Variants in TIMM23 observed in about 807,000 individuals in gnomAD.
The protein encoded by TIMM23 is translocase of inner mitochondrial membrane 23, also known as mitochondrial import inner membrane translocase subunit Tim23.
Under a neutral mutation model 30.7 loss-of-function variants are expected in TIMM23, and 19 were observed. The ratio of observed to expected loss-of-function variants is 0.62; its 90% confidence interval spans 0.43 to 0.91. The LOEUF is 0.91. Among genes scored for constraint, TIMM23 ranks in the 40% least tolerant of loss-of-function variants. TIMM23 has a pLI of 0.00. For synonymous variants in TIMM23, 78 were observed against 98.5 expected (o/e 0.79, Z 1.23); for missense variants, 202 against 269.2 (o/e 0.75, Z 1.75).
At position 46,003,622 on chromosome 10, in the gene TIMM23, G is replaced by T; in HGVS notation, c.*304G>T. 1 of 250,648 alleles carries T rather than the reference G, an allele frequency of 4.0e-6. No individual in the cohort carries two copies. The highest frequency in any genetic ancestry group is 7.8e-6 in the Non-Finnish European group (1 of 127,418). 15.5% of individuals were successfully genotyped at this position (250,648 alleles called of 1,614,324 possible). On this transcript the variant is annotated 3_prime_UTR_variant, in exon 7 of 7. Transcript: ENST00000580018. Reference sequence around the variant, plus strand: ...AAAACCACTTACTCCCAGAATTCAGGTCGTGCTTGTTAGTACTATATCACC... The same window carrying T: ...AAAACCACTTACTCCCAGAATTCAGTTCGTGCTTGTTAGTACTATATCACC...
chr10:45,992,798 C>T (rs1259636253), intron 6 of TIMM23: 82 of 332,930 alleles, frequency 2.5e-4, no homozygotes, highest in Non-Finnish European at 3.5e-4. Context: ...CCTCATGATC[C>T]GCCCACCTCA....
At chr10:45,988,932 C>A in intron 6 of TIMM23, 85 bp downstream of exon 6, 2 of 1,070,392 alleles carry the variant, frequency 1.9e-6, no homozygotes, top group South Asian at 1.3e-5. Flanking sequence ...AAATTACACT[C>A]TGTTGCAGTA....
intron 6 of TIMM23, among the ~76,000 whole-genome samples, chr10:46,001,966 T>C (rs1228135593): frequency 2.0e-5 from 3 of 152,222 alleles, no homozygotes; most frequent in Non-Finnish European, 4.4e-5. Context: ...TGTTTCTCCA[T>C]TGCAAGTGAA....
At chr10:45,983,078 G>A (rs1180785031) in intron 4 of TIMM23, 148 bp downstream of exon 4, 11 of 1,160,296 alleles carry the variant, frequency 9.5e-6, no homozygotes, top group Admixed American at 2.7e-5. Flanking sequence ...CAAAATAAAA[G>A]CAACTAAGGA....
intron 6 of TIMM23, among the ~76,000 whole-genome samples, chr10:45,993,508 C>T (rs1312191730): frequency 5.4e-4 from 82 of 151,982 alleles, no homozygotes; most frequent in Middle Eastern, 3.4e-3. Flanking sequence ...GAGCAGAGAT[C>T]GCGCCACTGA....
rs782171788 is a variant in TIMM23, at chr10:45,972,605, A to G, written c.-20A>G. 1.1e-5 allele frequency: 18 copies of G among 1,604,000 alleles called. No individual in the cohort carries two copies. Among genetic ancestry groups the G allele is most frequent in the Non-Finnish European group, 1.3e-5 (15 of 1,173,204 alleles). ...CAGGCTTGAGGCAGCGGCGGGAACC[A>G]CTCGGTTTGCTGCGATACCATGGAA... On this transcript the variant is annotated 5_prime_UTR_variant, in exon 1 of 7. Transcript: ENST00000580018.
chr10:45,974,259 T>G (rs1304832091), intron 1 of TIMM23, among the ~76,000 whole-genome samples: 1 of 152,060 alleles, frequency 6.6e-6, no homozygotes, highest in East Asian at 1.9e-4. Flanking sequence ...ACATTGCCGT[T>G]AGTGATAAGT....
intron 6 of TIMM23, chr10:45,998,451 T>G: frequency 1.1e-6 from 1 of 925,202 alleles, no homozygotes; most frequent in Non-Finnish European, 1.3e-6. Flanking sequence ...ACCATTGGCC[T>G]TATTTGGTTA....
At chr10:45,997,467 T>C (rs1277971238) in intron 6 of TIMM23, among the ~76,000 whole-genome samples, 6 of 152,110 alleles carry the variant, frequency 3.9e-5, no homozygotes, top group Non-Finnish European at 7.4e-5. Context: ...TAGTTATTGC[T>C]AAATGGGCAG....
intron 6 of TIMM23, among the ~76,000 whole-genome samples, chr10:45,993,310 A>G (rs1436413715): frequency 6.9e-6 from 1 of 144,986 alleles, no homozygotes; most frequent in Non-Finnish European, 1.5e-5. Flanking sequence ...CAATGGCATG[A>G]TCTCGGCTCA....
Position 45,998,456 on chromosome 10 carries a change from T to C in TIMM23, c.515-4747T>C, listed in dbSNP as rs587669896. On this transcript the variant is annotated intron_variant, in intron 6 of 6. Transcript: ENST00000580018. ...ATAGAGATTGACCATTGGCCTTATT[T>C]GGTTACTCTGTTCAAAGCAAGTACC... 5.3e-3 allele frequency: 4,842 copies of C among 911,174 alleles called. 167 individuals carry two copies. In the African/African-American group the frequency reaches 0.079, roughly 15 times the overall value. 56.4% of individuals were successfully genotyped at this position (911,174 alleles called of 1,614,324 possible). A position where few individuals can be genotyped will look rare whatever the true frequency, so the allele number is the denominator to read the frequency against.
intron 1 of TIMM23, among the ~76,000 whole-genome samples, chr10:45,974,508 G>A (rs1554912574): frequency 6.6e-6 from 1 of 152,206 alleles, no homozygotes; most frequent in Non-Finnish European, 1.5e-5. Context: ...TTACAAGGGA[G>A]TTGGATCCAT....
chr10:45,992,177 T>C lies in TIMM23; in HGVS notation c.514+3330T>C, dbSNP rs1441923003. Among the ~76,000 whole-genome samples the C allele has an allele frequency of 3.9e-5, 6 of 152,244 alleles. No homozygotes were observed. The South Asian group carries it at 1.0e-3, about 26-fold the overall frequency. On this transcript the variant is annotated intron_variant, in intron 6 of 6. Coordinates refer to ENST00000580018, the MANE Select transcript of TIMM23 (RefSeq NM_006327.4). ...TTTTTGTTTAGCAATGGGGTCTTGC[T>C]ATGTTACCCAGGCTGGCCTCAAGCA...
chr10:45,986,767 C>CT (rs1164625247), intron 5 of TIMM23, among the ~76,000 whole-genome samples: 3 of 149,756 alleles, frequency 2.0e-5, no homozygotes, highest in African/African-American at 7.4e-5. Flanking sequence ...TCAAACCTCA[C>CT]TTTTTTTTTA....
At chr10:45,972,886 C>G (rs1225207225) in intron 1 of TIMM23, among the ~76,000 whole-genome samples, 156 bp downstream of exon 1, 1 of 151,870 alleles carries the variant, frequency 6.6e-6, no homozygotes, top group Admixed American at 6.6e-5. Flanking sequence ...CATGGCTGCT[C>G]TTTCAAGATA....
chr10:45,995,969 C>T lies in TIMM23; in HGVS notation c.514+7122C>T, dbSNP rs1187110637. Among the ~76,000 whole-genome samples, 3 of 149,680 alleles carry T rather than the reference C, an allele frequency of 2.0e-5. 1 individual carries two copies. The highest frequency in any genetic ancestry group is 5.1e-5 in the African/African-American group (2 of 39,170). On this transcript the variant is annotated intron_variant, in intron 6 of 6. Transcript: ENST00000580018. The stretch of plus-strand genomic sequence containing the variant: ...ATTACTGAAAAACAGAATTCCTCAG[C>T]GAATCAAGTGTCTGATGCATAATAA...
intron 4 of TIMM23, among the ~76,000 whole-genome samples, chr10:45,983,759 TGA>T (rs1383499521): frequency 1.3e-5 from 2 of 152,290 alleles, no homozygotes; most frequent in East Asian, 3.9e-4. Flanking sequence ...TGTGGTTTTT[TGA>T]GAGACAGGGC....
At chr10:46,000,269 T>C (rs1838486818) in intron 6 of TIMM23, among the ~76,000 whole-genome samples, 1 of 152,222 alleles carries the variant, frequency 6.6e-6, no homozygotes, top group African/African-American at 2.4e-5. Context: ...TGTTTAGAGA[T>C]TGCAGTAAAG....
At chr10:45,999,115 T>C (rs1421886904) in intron 6 of TIMM23, among the ~76,000 whole-genome samples, 2 of 152,116 alleles carry the variant, frequency 1.3e-5, no homozygotes, top group African/African-American at 4.8e-5. Context: ...TTACAGGCCG[T>C]GAGCCACCAT....
Sources: gnomAD v4.1 joint callset for allele counts (sites outside exome capture counted in the v4.1 genomes callset) on GRCh38, gnomAD v4.1.1 for gene constraint, MANE v1.5 for transcripts, NCBI Gene and HGNC (gene_info 2026-07-23, HGNC 2026-07-21) for gene names.